GALNT13: variants seen among roughly 807,000 people sequenced by gnomAD.
GALNT13 encodes polypeptide N-acetylgalactosaminyltransferase 13.
A neutral mutation model predicts 64.2 loss-of-function variants in GALNT13; 28 were observed. The ratio of observed to expected loss-of-function variants is 0.44; its 90% confidence interval spans 0.32 to 0.60. GALNT13 has a LOEUF of 0.60. Ranked by LOEUF, GALNT13 falls within the 20% of genes least tolerant of loss-of-function variation. GALNT13 has a pLI of 0.05. For missense variants in GALNT13, 577 were observed against 669.8 expected, an observed-to-expected ratio of 0.86 and a Z score of 1.53; for synonymous variants, 214 against 224.6, an observed-to-expected ratio of 0.95 and a Z score of 0.42.
rs181556161 is a variant in GALNT13, at chr2:153,947,444, T to G, written c.142+2805T>G. On this transcript the variant is annotated intron_variant, in intron 3 of 12. Coordinates refer to ENST00000392825, the MANE Select transcript of GALNT13 (RefSeq NM_052917.4). ...TAAAGTAATGATCACTGATGTTGAG[T>G]TTTTTTTTTTTCATATGATTGTTGG... Among the ~76,000 whole-genome samples the G allele has an allele frequency of 2.6e-3, 381 of 144,628 alleles. 2 individuals carry two copies. The highest frequency in any genetic ancestry group is 9.3e-3 in the African/African-American group (369 of 39,750). The allele number at this position is 144,628 out of a possible 152,430, so 94.9% of individuals were successfully genotyped here. A position where few individuals can be genotyped will look rare whatever the true frequency, so the allele number is the denominator to read the frequency against.
At chr2:153,852,731 G>A in the GALNT13 span, among the ~76,000 whole-genome samples, 1 of 152,154 alleles carries the variant, frequency 6.6e-6, no homozygotes, top group Non-Finnish European at 1.5e-5. Flanking sequence ...AGAAAACAAT[G>A]TGGCAGTTTC....
chr2:153,409,300 A>ATATATATGAATATGTATATATTCATATG, the GALNT13 span, among the ~76,000 whole-genome samples: 1 of 144,092 alleles, frequency 6.9e-6, no homozygotes, highest in African/African-American at 2.7e-5. Flanking sequence ...ATATGTATGT[A>ATATATATGAATATGTATATATTCATATG]TATATATATA....
the GALNT13 span, among the ~76,000 whole-genome samples, chr2:153,575,675 GCCAGACTA>G: frequency 6.6e-6 from 1 of 152,272 alleles, no homozygotes; most frequent in East Asian, 1.9e-4. Flanking sequence ...AGGGAGTACT[GCCAGACTA>G]CCACCAATAT....
intron 10 of GALNT13, among the ~76,000 whole-genome samples, chr2:154,407,437 A>G (rs1699598972): frequency 6.6e-6 from 1 of 152,132 alleles, no homozygotes; most frequent in Admixed American, 6.6e-5. Context: ...TGCAACCTAT[A>G]CCATCCTATT....
chr2:153,527,018 A>G, the GALNT13 span, among the ~76,000 whole-genome samples: 1 of 152,138 alleles, frequency 6.6e-6, no homozygotes, highest in East Asian at 1.9e-4. Context: ...AGAATTAAAA[A>G]AAAATAAAGC....
intron 3 of GALNT13, among the ~76,000 whole-genome samples, chr2:154,073,360 G>A (rs1700834120): frequency 6.6e-6 from 1 of 151,942 alleles, no homozygotes; most frequent in Non-Finnish European, 1.5e-5. Flanking sequence ...GACATTTTCT[G>A]TGAAAATATA....
chr2:153,768,279 C>T, the GALNT13 span, among the ~76,000 whole-genome samples: 1 of 152,234 alleles, frequency 6.6e-6, no homozygotes, highest in Middle Eastern at 3.4e-3. Context: ...TCATTGGATG[C>T]AATGTTCCAT....
At chr2:154,021,420 C>T (rs1176464727) in intron 3 of GALNT13, among the ~76,000 whole-genome samples, 3 of 152,068 alleles carry the variant, frequency 2.0e-5, no homozygotes, top group Admixed American at 6.5e-5. Context: ...CCTTCACATC[C>T]CTTGTAAGTT....
At chr2:153,548,305 C>T in the GALNT13 span, among the ~76,000 whole-genome samples, 8 of 152,074 alleles carry the variant, frequency 5.3e-5, no homozygotes, top group East Asian at 1.3e-3. Flanking sequence ...CATGCTTTGA[C>T]AATAGTAAGC....
intron 8 of GALNT13, among the ~76,000 whole-genome samples, chr2:154,273,218 A>C (rs1045241661): frequency 2.0e-5 from 3 of 152,168 alleles, no homozygotes; most frequent in Non-Finnish European, 4.4e-5. Flanking sequence ...AGGGTAGAGA[A>C]CTACATTACC....
chr2:153,725,631 A>G, the GALNT13 span, among the ~76,000 whole-genome samples: 1 of 152,032 alleles, frequency 6.6e-6, no homozygotes. Flanking sequence ...GAAAAATGTA[A>G]AGTTTATGAT....
chr2:153,283,779 G>C, the GALNT13 span, among the ~76,000 whole-genome samples: 1 of 152,138 alleles, frequency 6.6e-6, no homozygotes, highest in Non-Finnish European at 1.5e-5. Context: ...CAGGGAAAGT[G>C]GGTGCTCTGA....
At chr2:153,988,047 TAGG>T (rs1694911780) in intron 3 of GALNT13, among the ~76,000 whole-genome samples, 1 of 143,564 alleles carries the variant, frequency 7.0e-6, no homozygotes, top group South Asian at 2.2e-4. Context: ...CATTTGAGGG[TAGG>T]AGGTGACATA....
chr2:154,366,078 T>A (rs1697346158), intron 9 of GALNT13, among the ~76,000 whole-genome samples: 1 of 152,136 alleles, frequency 6.6e-6, no homozygotes, highest in Non-Finnish European at 1.5e-5. Flanking sequence ...TACATTAAAT[T>A]TTTTTCCTGA....
rs113648007 is a variant in GALNT13, at chr2:154,363,121, A to T, written c.1157-32870A>T. ...ATCTCTGGGATTTGTTATTTTCAGA[A>T]TCCATTGTTTGTTTTGCTAACTTTT... On this transcript the variant is annotated intron_variant, in intron 9 of 12. Transcript: ENST00000392825. Among the ~76,000 whole-genome samples the T allele has an allele frequency of 1.3e-3, 195 of 152,188 alleles. 1 individual carries two copies. The highest frequency in any genetic ancestry group is 4.4e-3 in the African/African-American group (183 of 41,538).
chr2:154,407,892 C>T (rs759620580), intron 10 of GALNT13, among the ~76,000 whole-genome samples: 10 of 152,186 alleles, frequency 6.6e-5, no homozygotes, highest in Non-Finnish European at 8.8e-5. Context: ...TTCTGCACCA[C>T]AGAAAAAGTG....
chr2:154,089,630 A>C (rs960648339), intron 3 of GALNT13, among the ~76,000 whole-genome samples: 11 of 152,058 alleles, frequency 7.2e-5, no homozygotes, highest in African/African-American at 2.7e-4. Context: ...AGGGAGCCCT[A>C]TTGTTCTTGG....
chr2:153,872,619 C>CGGGGGGGGGGGGG (rs1218155488), intron 1 of GALNT13, among the ~76,000 whole-genome samples: 2 of 16,306 alleles, frequency 1.2e-4, no homozygotes, highest in African/African-American at 3.6e-4. Context: ...TTGTTGGTGG[C>CGGGGGGGGGGGGG]GGGGGGGGGG....
At chr2:154,350,010 A>G (rs1319548990) in intron 9 of GALNT13, among the ~76,000 whole-genome samples, 3 of 152,224 alleles carry the variant, frequency 2.0e-5, no homozygotes, top group African/African-American at 7.2e-5. Flanking sequence ...TTGGTAACCT[A>G]AAGTCTATGG....
Sources: allele counts gnomAD v4.1 joint callset (sites outside exome capture counted in the v4.1 genomes callset), GRCh38; gene constraint gnomAD v4.1.1; transcripts MANE v1.5; gene names NCBI Gene and HGNC (gene_info 2026-07-23, HGNC 2026-07-21).